APC: variants seen among roughly 807,000 people sequenced by gnomAD.
APC encodes APC regulator of Wnt signaling pathway, also known as adenomatous polyposis coli protein.
APC carries 72 observed loss-of-function variants against 247.0 expected under a neutral mutation model. The ratio of observed to expected loss-of-function variants is 0.29; its 90% confidence interval spans 0.24 to 0.35. APC has a LOEUF of 0.35. APC is among the 10% of genes least tolerant of loss of function. APC has a pLI of 1.00. For synonymous variants in APC, 1,254 were observed against 1,162.5 expected, an observed-to-expected ratio of 1.08 and a Z score of -1.60; for missense variants, 3,400 against 3,360.7, an observed-to-expected ratio of 1.01 and a Z score of -0.29.
At chr5:112,835,915 T>C (rs1265475947) in intron 15 of APC, among the ~76,000 whole-genome samples, 2 of 151,310 alleles carry the variant, frequency 1.3e-5, no homozygotes, top group East Asian at 3.9e-4. Flanking sequence ...TCATCCAATC[T>C]GCTAGAGTTG....
chr5:112,733,169 T>G (rs1234193377), upstream of APC, among the ~76,000 whole-genome samples: 1 of 152,210 alleles, frequency 6.6e-6, no homozygotes, highest in Non-Finnish European at 1.5e-5. Context: ...GGGCTGATAG[T>G]TAATTTTATT....
At chr5:112,761,777 C>T (rs1208147015) in intron 2 of APC, among the ~76,000 whole-genome samples, 1 of 152,156 alleles carries the variant, frequency 6.6e-6, no homozygotes, top group Non-Finnish European at 1.5e-5. Flanking sequence ...CATCAAAAGA[C>T]TCGAGTGTGC....
At position 112,767,297 on chromosome 5, in the gene APC, G is replaced by T. The variant is rs756800793; in HGVS notation, c.329G>T (p.Cys110Phe). The change falls in exon 4 of 16, where the codon TGC becomes TTC. Residue 110 changes from cysteine to phenylalanine, a missense_variant. Coordinates refer to ENST00000257430, the MANE Select transcript of APC (RefSeq NM_000038.6). ...EGSVSSRSGECSPVPMGSFPR... is the reference protein window; with the variant it reads ...EGSVSSRSGEFSPVPMGSFPR... ...TCTGTATCAAGCCGTTCTGGAGAGT[G>T]CAGTCCTGTTCCTATGGGTTCATTT... is the stretch of plus-strand genomic sequence containing the variant. 6.2e-7 allele frequency: 1 copy of T among 1,614,138 alleles called. No homozygotes were observed.
intron 1 of APC, among the ~76,000 whole-genome samples, chr5:112,709,050 G>C (rs762942906): frequency 6.6e-6 from 1 of 152,188 alleles, no homozygotes; most frequent in Admixed American, 6.5e-5. Context: ...AATTGTAGAA[G>C]TGAGATTAAA....
chr5:112,842,640 C>G lies in APC; in HGVS notation c.7046C>G (p.Ser2349Ter), dbSNP rs2149978863. The stretch of plus-strand genomic sequence containing the variant: ...AAATTATCTCAACTTCCAAGGACAT[C>G]ATCCCCTAGTACTGCTTCAACTAAG... ...PNKLSQLPRTSSPSTASTKSS... is the reference protein window; with the variant it reads ...PNKLSQLPRT The change falls in exon 16 of 16, where the codon TCA becomes TGA. Residue 2349 changes from serine to a stop codon, truncating the protein, a stop_gained. Transcript: ENST00000257430. LOFTEE classifies it high-confidence loss of function. 6.2e-7 allele frequency: 1 copy of G among 1,613,902 alleles called. No individual in the cohort carries two copies.
chr5:112,766,194 A>C, intron 2 of APC, 132 bp from the exon 3 acceptor site: 1 of 615,496 alleles, frequency 1.6e-6, no homozygotes. Flanking sequence ...AATAATAGGT[A>C]ATATATATAA....
intron 1 of APC, among the ~76,000 whole-genome samples, chr5:112,717,914 T>TTTTTTTTTTTTTTTTTTTTTTTTTTTTG (rs1751267268): frequency 8.2e-6 from 1 of 121,620 alleles, no homozygotes; most frequent in Non-Finnish European, 1.7e-5. Context: ...TTTTCTTTTT[T>TTTTTTTTTTTTTTTTTTTTTTTTTTTTG]TTTTTTTTTT....
At chr5:112,809,168 A>G (rs1761723960) in intron 8 of APC, among the ~76,000 whole-genome samples, 1 of 151,830 alleles carries the variant, frequency 6.6e-6, no homozygotes, top group African/African-American at 2.4e-5. Context: ...TCTCAGCAAC[A>G]TAAGGAGACC....
intron 10 of APC, among the ~76,000 whole-genome samples, chr5:112,821,499 GT>G (rs1326526272): frequency 6.7e-6 from 1 of 149,986 alleles, no homozygotes; most frequent in Non-Finnish European, 1.5e-5. Context: ...GCAAGACCCT[GT>G]TTTGTTTTTT....
Position 112,841,737 on chromosome 5 carries a change from C to T in APC, c.6143C>T (p.Pro2048Leu), listed in dbSNP as rs1448342914. Residue 2048 changes from proline (P) to leucine (L), a missense_variant, in exon 16 of 16, where the codon CCA becomes CTA. Physicochemically the swap from Pro to Leu is moderately conservative, Grantham distance 98. Around this residue, in one of 9 missense-constraint regions of APC, gnomAD observed 1,788 missense variants for 1,649.5 expected, o/e 1.08. Coordinates refer to ENST00000257430, the MANE Select transcript of APC (RefSeq NM_000038.6). This position sits in a 1 kb window ranked among gnomAD's most constrained non-coding sequence, Gnocchi z 4.6. ...LLQECISSAM[P>L]KKKKPSRLKG... is the part of the protein sequence containing the mutation. The stretch of plus-strand genomic sequence containing the variant: ...CAGGAATGTATAAGCTCCGCAATGC[C>T]AAAAAAGAAAAAGCCTTCAAGACTC... 1 of 1,613,468 alleles carries T rather than the reference C, an allele frequency of 6.2e-7. No homozygotes were observed. The highest frequency in any genetic ancestry group is 8.5e-7 in the Non-Finnish European group (1 of 1,179,662).
intron 2 of APC, among the ~76,000 whole-genome samples, chr5:112,763,497 A>T (rs914354629): frequency 1.3e-5 from 2 of 152,158 alleles, no homozygotes; most frequent in Non-Finnish European, 2.9e-5. Flanking sequence ...CTGAATTTAT[A>T]TGGCTTTTTA....
rs761592349 is a variant in APC, at chr5:112,707,744, G to C, written c.27G>C (p.Pro9=). The C allele has an allele frequency of 3.1e-5, 42 of 1,370,510 alleles. No homozygotes were observed. The highest frequency in any genetic ancestry group is 3.6e-5 in the Non-Finnish European group (37 of 1,038,784). 84.9% of individuals were successfully genotyped at this position (1,370,510 alleles called of 1,614,324 possible). ...TGTACGCCTCCCTGGGCTCGGGTCC[G>C]GTCGCCCCTTTGCCCGCTTCTGTAC... Residue 9 remains proline (P), a synonymous_variant, in exon 1 of 14, where the codon CCG becomes CCC. Transcript: ENST00000507379.
chr5:112,722,848 C>G (rs1751559866), intron 1 of APC, among the ~76,000 whole-genome samples: 1 of 152,098 alleles, frequency 6.6e-6, no homozygotes, highest in Admixed American at 6.6e-5. Flanking sequence ...GCTGTCTGAA[C>G]CCTGTCCTCT....
At chr5:112,745,450 AAG>A (rs1753541168) in intron 1 of APC, among the ~76,000 whole-genome samples, 1 of 152,096 alleles carries the variant, frequency 6.6e-6, no homozygotes, top group Non-Finnish European at 1.5e-5. Context: ...AGGCTGTACT[AAG>A]AGAAAAATTG....
intron 13 of APC, 21 bp from the exon 14 acceptor site, chr5:112,828,835 C>A: frequency 3.3e-6 from 5 of 1,525,980 alleles, no homozygotes; most frequent in Non-Finnish European, 4.5e-6. Context: ...ATAAATTAAT[C>A]TAAAATTGAT....
intron 7 of APC, among the ~76,000 whole-genome samples, chr5:112,796,124 G>T (rs1186806310): frequency 3.9e-5 from 6 of 152,256 alleles, no homozygotes; most frequent in East Asian, 1.9e-4. Flanking sequence ...TTAACTCCAT[G>T]GACAACAGGA....
intron 11 of APC, among the ~76,000 whole-genome samples, chr5:112,825,652 A>G (rs1243848667): frequency 4.6e-5 from 7 of 152,206 alleles, no homozygotes; most frequent in Admixed American, 4.6e-4. Flanking sequence ...AGGAGTTCGC[A>G]ACCAGCTCGG....
chr5:112,819,847 G>T (rs1259440388), intron 10 of APC, among the ~76,000 whole-genome samples: 1 of 152,126 alleles, frequency 6.6e-6, no homozygotes, highest in Non-Finnish European at 1.5e-5. Context: ...CCATTTTACA[G>T]ATGAAAAAAC....
At chr5:112,805,848 G>A (rs1056856360) in intron 8 of APC, among the ~76,000 whole-genome samples, 5 of 152,156 alleles carry the variant, frequency 3.3e-5, no homozygotes, top group Middle Eastern at 3.2e-3. Context: ...GTATTCTACC[G>A]CTTCTCTCAC....
Sources: allele counts gnomAD v4.1 joint callset (sites outside exome capture counted in the v4.1 genomes callset), GRCh38; gene constraint gnomAD v4.1.1; regional missense constraint gnomAD v4.1.1; non-coding constraint Gnocchi (gnomAD v3.1); transcripts MANE v1.5; gene names NCBI Gene and HGNC (gene_info 2026-07-23, HGNC 2026-07-21).